Variants in ADAMTS7 observed in about 807,000 individuals in gnomAD.
The protein encoded by ADAMTS7 is ADAM metallopeptidase with thrombospondin type 1 motif 7, also known as A disintegrin and metalloproteinase with thrombospondin motifs 7.
ADAMTS7 carries 89 observed loss-of-function variants against 172.6 expected under a neutral mutation model. The ratio of observed to expected loss-of-function variants is 0.52; its 90% CI spans 0.43 to 0.61. The LOEUF (loss-of-function observed/expected upper bound fraction) is 0.61, where lower values mean the gene tolerates loss of function less well. Among genes scored for constraint, ADAMTS7 ranks in the 20% least tolerant of loss-of-function variants. ADAMTS7 has a pLI of 0.00. For synonymous variants in ADAMTS7, 885 were observed against 978.4 expected (o/e 0.90, Z 1.78); for missense variants, 1,973 against 2,355.6 (o/e 0.84, Z 3.36).
chr15:78,796,482 A>T, intron 4 of ADAMTS7, 108 bp downstream of exon 4: 1 of 1,305,340 alleles, frequency 7.7e-7, no homozygotes, highest in South Asian at 1.4e-5. Flanking sequence ...TGGGGCCTAG[A>T]CCTGGGTCTG....
At chr15:78,791,759 C>T (rs1036277871) in intron 4 of ADAMTS7, among the ~76,000 whole-genome samples, 4 of 152,138 alleles carry the variant, frequency 2.6e-5, no homozygotes, top group Admixed American at 2.6e-4. Flanking sequence ...GCCTATGGAG[C>T]CTGCCCACTG....
Position 78,789,693 on chromosome 15 carries a change from G to T in ADAMTS7, c.1174C>A (p.His392Asn). The change falls in exon 7 of 24, where the codon CAC (histidine) becomes AAC (asparagine). Residue 392 changes from histidine to asparagine, a missense_variant. By Grantham distance (68) the His-to-Asn change is moderately conservative (BLOSUM62 1). Coordinates refer to ENST00000388820, the MANE Select transcript of ADAMTS7 (RefSeq NM_014272.5). ...LAFTVAHELG[H>N]SFGIQHDGSG... is the part of the protein sequence containing the mutation. ...CAATGGGGGCAGGCACAGTACCTGT[G>T]CCCGAGCTCGTGGGCTACAGTGAAG... is the stretch of plus-strand genomic sequence containing the variant. 6.2e-7 allele frequency: 1 copy of T among 1,613,758 alleles called. No homozygotes were observed. The highest frequency in any genetic ancestry group is 1.3e-5 in the African/African-American group (1 of 75,080).
In ADAMTS7 at chr15:78,806,973, G is replaced by A. The variant is rs181659223; in HGVS notation, c.100+4148C>T. Among the ~76,000 whole-genome samples the A allele has an allele frequency of 2.6e-5, 4 of 152,276 alleles. No individual in the cohort carries two copies. In the East Asian group the frequency reaches 7.7e-4, roughly 29 times the overall value. The stretch of plus-strand genomic sequence containing the variant: ...GTAGAGGTAGAGTTTCGCCATGTTG[G>A]CCAGGCTGGTCTCGAACTCCTGACC... On this transcript the variant is annotated intron_variant, in intron 1 of 23. Coordinates refer to ENST00000388820, the MANE Select transcript of ADAMTS7 (RefSeq NM_014272.5).
At position 78,766,125 on chromosome 15, in the gene ADAMTS7, TG is replaced by T. The variant is rs1209112610; in HGVS notation, c.3785del (p.Thr1262LysfsTer36). On this transcript the variant is annotated frameshift_variant, in exon 19 of 24. Transcript: ENST00000388820. LOFTEE classifies it high-confidence loss of function. The stretch of plus-strand genomic sequence containing the variant: ...CTGGCTCCCAGGCCACTGTGCCTCC[TG>T]TCCACAGCTCCGCCACGTCAGGACT... The part of the protein sequence containing the change: ...SPSPDVAELW[T>X]GGTVAWEPAL... 6.2e-7 allele frequency: 1 copy of T among 1,611,266 alleles called. No homozygotes were observed. Among genetic ancestry groups the T allele is most frequent in the Non-Finnish European group, 8.5e-7 (1 of 1,179,784 alleles).
chr15:78,777,028 G>A (rs2055357633), intron 9 of ADAMTS7, 187 bp from the exon 10 acceptor site: 7 of 604,214 alleles, frequency 1.2e-5, no homozygotes, highest in Non-Finnish European at 1.8e-5. Context: ...GTGGTGTGGG[G>A]CGCCCGGGGC....
At chr15:78,784,685 A>AGG (rs1437769306) in intron 8 of ADAMTS7, among the ~76,000 whole-genome samples, 1 of 152,122 alleles carries the variant, frequency 6.6e-6, no homozygotes, top group Non-Finnish European at 1.5e-5. Flanking sequence ...AAAAAGAGAG[A>AGG]GAGAAAGAGA....
In ADAMTS7 at chr15:78,776,320, C is replaced by T. The variant is rs2055344850; in HGVS notation, c.1574G>A (p.Gly525Glu). The T allele has an allele frequency of 1.2e-6, 2 of 1,611,536 alleles. No homozygotes were observed. The highest frequency in any genetic ancestry group is 1.3e-5 in the African/African-American group (1 of 74,876). ...RCGENKWCLS[G>E]ECVPVGFRPE... ...CCGGAAGCCCACGGGTACGCACTCCCCACTGAGACACCACTACTGAGACAG... is the reference window on the plus strand; with the variant it reads ...CCGGAAGCCCACGGGTACGCACTCCTCACTGAGACACCACTACTGAGACAG... Residue 525 changes from glycine (G) to glutamate (E), a missense_variant, in exon 11 of 24, where the codon GGG becomes GAG. This residue lies in a region of ADAMTS7 where 526 missense variants were observed against 662.9 expected (regional missense o/e 0.79). Coordinates refer to ENST00000388820, the MANE Select transcript of ADAMTS7 (RefSeq NM_014272.5).
At chr15:78,806,129 A>ACAC (rs1567245846) in intron 1 of ADAMTS7, among the ~76,000 whole-genome samples, 13 of 23,144 alleles carry the variant, frequency 5.6e-4, no homozygotes, top group East Asian at 1.5e-3. Flanking sequence ...CACACACACA[A>ACAC]AAAAAAAAAA....
intron 16 of ADAMTS7, 140 bp from the exon 17 acceptor site, chr15:78,768,399 G>T: frequency 1.6e-6 from 2 of 1,289,232 alleles, no homozygotes; most frequent in Non-Finnish European, 2.2e-6. Flanking sequence ...ATGTCAGGAT[G>T]AAGGCAGACC....
intron 4 of ADAMTS7, among the ~76,000 whole-genome samples, chr15:78,793,424 G>A (rs1288364464): frequency 6.6e-6 from 1 of 151,576 alleles, no homozygotes; most frequent in Non-Finnish European, 1.5e-5. Context: ...CATGATCTCG[G>A]CTCACTGCAG....
chr15:78,802,023 A>G (rs1229474618), intron 1 of ADAMTS7, among the ~76,000 whole-genome samples: 1 of 150,314 alleles, frequency 6.7e-6, no homozygotes, highest in Non-Finnish European at 1.5e-5. Context: ...TTTTGTAGAG[A>G]TGGGAGTTTT....
At chr15:78,767,658 G>T (rs933273806) in intron 17 of ADAMTS7, 66 bp from the exon 18 acceptor site, 26 of 1,440,708 alleles carry the variant, frequency 1.8e-5, no homozygotes, top group African/African-American at 2.8e-5. Context: ...TCACCAGCAG[G>T]GGGGGCCAGG....
At chr15:78,763,487 G>A (rs1271065844) in intron 22 of ADAMTS7, among the ~76,000 whole-genome samples, 2 of 152,202 alleles carry the variant, frequency 1.3e-5, no homozygotes, top group Non-Finnish European at 2.9e-5. Context: ...CCCCTCCTTG[G>A]AAGGCCTTCC....
chr15:78,771,445 G>A lies in ADAMTS7; in HGVS notation c.2376+140C>T, dbSNP rs544610261. On this transcript the variant is annotated intron_variant, in intron 15 of 23. Transcript: ENST00000388820. This position sits in a 1 kb window ranked among gnomAD's most constrained non-coding sequence, Gnocchi z 4.9. Reference sequence around the variant, plus strand: ...AGATGGGGAAACTGAGGTAGAGGCCGCAGCAGGAGGGCCTGGCTCAGAGCC... The same window carrying A: ...AGATGGGGAAACTGAGGTAGAGGCCACAGCAGGAGGGCCTGGCTCAGAGCC... The A allele has an allele frequency of 6.1e-5, 93 of 1,531,536 alleles. No homozygotes were observed. Among genetic ancestry groups the A allele is most frequent in the Middle Eastern group, 3.4e-4 (2 of 5,916 alleles). 94.9% of individuals were successfully genotyped at this position (1,531,536 alleles called of 1,614,324 possible). A position where few individuals can be genotyped will look rare whatever the true frequency, so the allele number is the denominator to read the frequency against.
At chr15:78,810,917 A>C in intron 1 of ADAMTS7, 7 of 447,506 alleles carry the variant, frequency 1.6e-5, no homozygotes, top group Non-Finnish European at 2.2e-5. Flanking sequence ...GGGCCGAGGA[A>C]GTTTCCCCAG....
chr15:78,764,157 C>T, intron 20 of ADAMTS7, 58 bp from the exon 21 acceptor site: 1 of 1,449,984 alleles, frequency 6.9e-7, no homozygotes, highest in Non-Finnish European at 9.1e-7. Flanking sequence ...CAGGCGTGAC[C>T]CCGTGAGGTG....
rs565346171 is a variant in ADAMTS7, at chr15:78,798,653, G to A, written c.457-540C>T. ...ATGCCCACGGCCACCAGGACACCCT[G>A]TTCTCTGGGCCCAGGGCTGCCCAGA... is the stretch of plus-strand genomic sequence containing the variant. On this transcript the variant is annotated intron_variant, in intron 2 of 23. Coordinates refer to ENST00000388820, the MANE Select transcript of ADAMTS7 (RefSeq NM_014272.5). Among the ~76,000 whole-genome samples the A allele has an allele frequency of 4.6e-5, 7 of 152,284 alleles. No individual in the cohort carries two copies. In the East Asian group the frequency reaches 1.4e-3, roughly 29 times the overall value.
chr15:78,787,675 A>AAAC (rs2055522591), intron 8 of ADAMTS7, among the ~76,000 whole-genome samples: 1 of 152,116 alleles, frequency 6.6e-6, no homozygotes, highest in African/African-American at 2.4e-5. Flanking sequence ...AAAAACAAAC[A>AAAC]AACAACAACA....
At chr15:78,793,397 A>G (rs992929568) in intron 4 of ADAMTS7, among the ~76,000 whole-genome samples, 2 of 151,342 alleles carry the variant, frequency 1.3e-5, no homozygotes, top group Non-Finnish European at 2.9e-5. Flanking sequence ...TTTGTCACTC[A>G]AGATGGAGTG....
Sources: allele counts gnomAD v4.1 joint callset (sites outside exome capture counted in the v4.1 genomes callset), GRCh38; gene constraint gnomAD v4.1.1; regional missense constraint gnomAD v4.1.1; non-coding constraint Gnocchi (gnomAD v3.1); transcripts MANE v1.5; gene names NCBI Gene and HGNC (gene_info 2026-07-23, HGNC 2026-07-21).